FANCA: variants seen among roughly 807,000 people sequenced by gnomAD.
FANCA encodes the protein FA complementation group A, also known as Fanconi anemia group A protein.
Under a neutral mutation model 194.3 loss-of-function variants are expected in FANCA, and 236 were observed. The observed-to-expected ratio is 1.21, with a 90% CI of 1.09 to 1.35. The LOEUF (loss-of-function observed/expected upper bound fraction) is 1.35. FANCA is among the 40% of genes most tolerant of loss of function. The probability of loss-of-function intolerance (pLI) is 0.00; values close to 1 mark genes in which losing one functional copy is unlikely to be tolerated. For missense variants in FANCA, 2,628 were observed against 1,813.9 expected (o/e 1.45, Z -8.15); for synonymous variants, 1,014 against 715.8 (o/e 1.42, Z -6.65).
intron 22 of FANCA, among the ~76,000 whole-genome samples, chr16:89,772,438 G>A (rs191929408): frequency 6.6e-6 from 1 of 152,302 alleles, no homozygotes; most frequent in Admixed American, 6.5e-5. Flanking sequence ...GCCTCCATGC[G>A]GAGCTTGCAG....
In FANCA at chr16:89,764,979, G is replaced by A. The variant is rs766402927; in HGVS notation, c.2689C>T (p.His897Tyr). 2 of 1,614,246 alleles carry A rather than the reference G, an allele frequency of 1.2e-6. No homozygotes were observed. Among genetic ancestry groups the A allele is most frequent in the South Asian group, 2.2e-5 (2 of 91,092 alleles). The change falls in exon 28 of 43, where the codon CAC becomes TAC. Residue 897 changes from histidine to tyrosine, a missense_variant. Physicochemically the swap from His to Tyr is moderately conservative, Grantham distance 83 (BLOSUM62 2). Transcript: ENST00000389301. The stretch of plus-strand genomic sequence containing the variant: ...CTCTGCCAGTCTGCAGAAGGAAGGT[G>A]CAAGGGTCTCCAGGAAAGGCTGGCT... ...DVASLSWRPL[H>Y]LPSADWQRAA...
intron 10 of FANCA, 81 bp from the exon 11 acceptor site, chr16:89,796,099 T>A (rs2143559555): frequency 9.4e-7 from 1 of 1,063,268 alleles, no homozygotes; most frequent in Non-Finnish European, 1.5e-6. Context: ...AAACTGTGGC[T>A]CAGGCTCATC....
At position 89,810,591 on chromosome 16, in the gene FANCA, A is replaced by G. The variant is rs17225810; in HGVS notation, c.522+116T>C. 5,704 of 787,590 alleles carry G rather than the reference A, an allele frequency of 7.2e-3. 43 individuals are homozygous for G. Among genetic ancestry groups the G allele is most frequent in the Non-Finnish European group, 1.0e-2 (4,355 of 436,346 alleles). 48.8% of individuals were successfully genotyped at this position (787,590 alleles called of 1,614,324 possible). The stretch of plus-strand genomic sequence containing the variant: ...AACCCTTTTTCATCCACTCTCTGTA[A>G]TTAATGAGAAGCTTGGAGAATTCCC... On this transcript the variant is annotated intron_variant, in intron 5 of 42. Transcript: ENST00000389301.
In FANCA at chr16:89,742,794, T is replaced by C; in HGVS notation, c.3765+6A>G. On this transcript the variant is annotated splice_donor_region_variant and intron_variant, in intron 37 of 42. Transcript: ENST00000389301. ...AATAAATCAGTAAAAGAATTTCCTATCTTGCCTCCTCTCTCTCGCAGTCCA... is the reference window on the plus strand; with the variant it reads ...AATAAATCAGTAAAAGAATTTCCTACCTTGCCTCCTCTCTCTCGCAGTCCA... The C allele has an allele frequency of 6.2e-7, 1 of 1,613,086 alleles. No individual in the cohort carries two copies. The highest frequency in any genetic ancestry group is 2.2e-5 in the East Asian group (1 of 44,830).
chr16:89,799,506 AGAG>A, intron 9 of FANCA, 96 bp downstream of exon 9: 1 of 1,228,434 alleles, frequency 8.1e-7, no homozygotes, highest in Non-Finnish European at 1.2e-6. Context: ...TGAAACATAC[AGAG>A]GAGAAATACC....
intron 24 of FANCA, 119 bp from the exon 25 acceptor site, chr16:89,770,378 C>A: frequency 9.2e-7 from 1 of 1,083,264 alleles, no homozygotes; most frequent in South Asian, 1.3e-5. Context: ...AAACAGTGGT[C>A]TTTCTGGAAG....
intron 30 of FANCA, among the ~76,000 whole-genome samples, chr16:89,754,297 C>T (rs1598085184): frequency 6.6e-6 from 1 of 151,358 alleles, no homozygotes; most frequent in Non-Finnish European, 1.5e-5. Flanking sequence ...GGCAATTCAA[C>T]AAGAAAAAGA....
intron 22 of FANCA, among the ~76,000 whole-genome samples, chr16:89,772,943 T>C (rs1481259754): frequency 1.3e-5 from 2 of 152,190 alleles, no homozygotes; most frequent in African/African-American, 4.8e-5. Context: ...GTGTGTCTGA[T>C]GTGACATCGA....
chr16:89,811,304 A>T (rs55648913), intron 3 of FANCA, among the ~76,000 whole-genome samples: 1 of 152,370 alleles, frequency 6.6e-6, no homozygotes, highest in East Asian at 1.9e-4. Flanking sequence ...ATACATTGGT[A>T]TTTGTTACGT....
At position 89,785,069 on chromosome 16, in the gene FANCA, C is replaced by T. The variant is rs948762746; in HGVS notation, c.1360-105G>A. ...GAGCGTGAAGCCCAGGACAGCCAGG[C>T]GCAGCTGCACCACCTAGGCAGTGTC... On this transcript the variant is annotated intron_variant, in intron 14 of 42. Transcript: ENST00000389301. 9.8e-5 allele frequency: 77 copies of T among 785,492 alleles called. 1 individual carries two copies. The highest frequency in any genetic ancestry group is 6.5e-4 in the South Asian group (46 of 71,122). 48.7% of individuals were successfully genotyped at this position (785,492 alleles called of 1,614,324 possible). A position where few individuals can be genotyped will look rare whatever the true frequency, so the allele number is the denominator to read the frequency against.
chr16:89,805,134 G>A (rs2040590570), intron 7 of FANCA, 146 bp downstream of exon 7: 1 of 689,948 alleles, frequency 1.4e-6, no homozygotes, highest in Non-Finnish European at 2.7e-6. Flanking sequence ...CCCCACAACA[G>A]GCTGAGACTG....
intron 15 of FANCA, among the ~76,000 whole-genome samples, chr16:89,783,608 A>G (rs577641502): frequency 1.4e-4 from 22 of 152,024 alleles, no homozygotes; most frequent in African/African-American, 5.1e-4. Context: ...CAGGTGAAAA[A>G]TCAAGAAACC....
chr16:89,770,926 AG>A (rs1466775309), intron 23 of FANCA, among the ~76,000 whole-genome samples: 1 of 152,136 alleles, frequency 6.6e-6, no homozygotes, highest in Non-Finnish European at 1.5e-5. Context: ...TTTTGGGGCC[AG>A]AAACAGCCTC....
intron 10 of FANCA, among the ~76,000 whole-genome samples, chr16:89,796,501 A>G (rs1337511399): frequency 3.3e-5 from 5 of 152,148 alleles, no homozygotes; most frequent in Non-Finnish European, 1.5e-5. Flanking sequence ...CATGAAGATG[A>G]GGAAGGAATG....
intron 25 of FANCA, 48 bp from the exon 26 acceptor site, chr16:89,770,072 G>A (rs2039270003): frequency 6.3e-7 from 1 of 1,597,752 alleles, no homozygotes; most frequent in South Asian, 1.1e-5. Context: ...CTTCCAAGCT[G>A]GAATTTTCCA....
intron 8 of FANCA, among the ~76,000 whole-genome samples, chr16:89,802,980 C>T (rs1419256111): frequency 2.6e-5 from 4 of 152,148 alleles, no homozygotes; most frequent in African/African-American, 9.6e-5. Flanking sequence ...TGTTCCACAG[C>T]AGAGTGAGGC....
At chr16:89,816,084 G>T (rs1267336265) in intron 1 of FANCA, 98 bp from the exon 2 acceptor site, 4 of 887,796 alleles carry the variant, frequency 4.5e-6, no homozygotes, top group African/African-American at 1.6e-5. Context: ...ACCCACCAGC[G>T]ACACCCTCCC....
At chr16:89,775,602 G>A (rs755618370) in intron 21 of FANCA, 140 bp downstream of exon 21, 18 of 700,214 alleles carry the variant, frequency 2.6e-5, no homozygotes, top group South Asian at 6.0e-5. Flanking sequence ...CATGGTGGGC[G>A]GACCCTGTAC....
chr16:89,791,263 A>C (rs2040066770), intron 14 of FANCA, 140 bp downstream of exon 14: 4 of 1,138,956 alleles, frequency 3.5e-6, no homozygotes, highest in South Asian at 1.3e-5. Flanking sequence ...GCAGAGGAAG[A>C]TCTGCCAAGG....
Sources: gnomAD v4.1 joint callset for allele counts (sites outside exome capture counted in the v4.1 genomes callset) on GRCh38, gnomAD v4.1.1 for gene constraint, MANE v1.5 for transcripts, NCBI Gene and HGNC (gene_info 2026-07-23, HGNC 2026-07-21) for gene names.